The following PAQR5 variants were observed in gnomAD, a reference collection of about 807,000 sequenced individuals.
The protein encoded by PAQR5 is membrane progestin receptor gamma.
PAQR5 carries 20 observed loss-of-function variants against 34.5 expected under a neutral mutation model. The ratio of observed to expected loss-of-function variants is 0.58; its 90% CI spans 0.41 to 0.84. The LOEUF (loss-of-function observed/expected upper bound fraction) is 0.84. PAQR5 is among the 40% of genes least tolerant of loss of function. The probability of loss-of-function intolerance (pLI) is 0.00; values close to 1 mark genes in which losing one functional copy is unlikely to be tolerated. For synonymous variants in PAQR5, 131 were observed against 155.6 expected (o/e 0.84, Z 1.18); for missense variants, 378 against 412.7 (o/e 0.92, Z 0.73).
intron 6 of PAQR5, among the ~76,000 whole-genome samples, chr15:69,395,116 C>A (rs1451584813): frequency 6.6e-6 from 1 of 152,182 alleles, no homozygotes; most frequent in Non-Finnish European, 1.5e-5. Context: ...AGACGGCAGG[C>A]GGTGGCAGGG....
At chr15:69,375,987 G>A (rs2055695393) in intron 3 of PAQR5, among the ~76,000 whole-genome samples, 1 of 152,220 alleles carries the variant, frequency 6.6e-6, no homozygotes, top group Admixed American at 6.5e-5. Flanking sequence ...TGGCTAGCAG[G>A]TGCATGCAAG....
At chr15:69,370,141 G>A (rs1031305842) in intron 3 of PAQR5, among the ~76,000 whole-genome samples, 2 of 152,194 alleles carry the variant, frequency 1.3e-5, no homozygotes, top group African/African-American at 4.8e-5. Context: ...TTCCATGACA[G>A]CATTTCTATA....
intron 2 of PAQR5, among the ~76,000 whole-genome samples, chr15:69,357,866 T>C (rs2140831454): frequency 6.6e-6 from 1 of 152,276 alleles, no homozygotes; most frequent in South Asian, 2.1e-4. Context: ...TAAATAATCA[T>C]TTGCTGAGGG....
At chr15:69,331,289 G>T (rs1336403761) in intron 1 of PAQR5, among the ~76,000 whole-genome samples, 1 of 152,168 alleles carries the variant, frequency 6.6e-6, no homozygotes, top group African/African-American at 2.4e-5. Flanking sequence ...CCATTGCAGG[G>T]TGTCTGTTCA....
At chr15:69,395,268 G>A (rs2140979166) in intron 6 of PAQR5, among the ~76,000 whole-genome samples, 1 of 152,360 alleles carries the variant, frequency 6.6e-6, no homozygotes. Context: ...AGGGAAGGGT[G>A]AAGGCCGGGC....
chr15:69,303,368 A>G (rs2053646069), intron 1 of PAQR5, among the ~76,000 whole-genome samples: 1 of 152,170 alleles, frequency 6.6e-6, no homozygotes, highest in Non-Finnish European at 1.5e-5. Flanking sequence ...GGCAGCTCCC[A>G]GACTGAATGG....
In PAQR5 at chr15:69,379,916, C is replaced by A; in HGVS notation, c.85C>A (p.Arg29Ser). 6.2e-7 allele frequency: 1 copy of A among 1,614,128 alleles called. No individual in the cohort carries two copies. The highest frequency in any genetic ancestry group is 1.6e-4 in the Middle Eastern group (1 of 6,062). Residue 29 changes from arginine to serine, a missense_variant, in exon 4 of 9, where the codon CGC becomes AGC. By Grantham distance (110) the Arg-to-Ser change is moderately radical. Transcript: ENST00000395407. ...TGAGCAAGGCATCCTGTTCGGCTAC[C>A]GCCATCCACAGAGTTCTGCCACTGC... Reference protein sequence around the residue: ...FHEQGILFGYRHPQSSATACI... With the variant: ...FHEQGILFGYSHPQSSATACI...
chr15:69,335,215 CAA>C (rs201453846), intron 1 of PAQR5, among the ~76,000 whole-genome samples: 1 of 120,124 alleles, frequency 8.3e-6, no homozygotes, highest in Non-Finnish European at 1.8e-5. Context: ...GACCATGTCT[CAA>C]AAAAAAAAAG....
At chr15:69,362,859 C>G (rs764888442) in intron 3 of PAQR5, among the ~76,000 whole-genome samples, 2 of 152,200 alleles carry the variant, frequency 1.3e-5, no homozygotes, top group Non-Finnish European at 2.9e-5. Flanking sequence ...CCTTCACCAG[C>G]CTGATCCCTC....
At chr15:69,299,835 C>T (rs2053488797) in intron 1 of PAQR5, among the ~76,000 whole-genome samples, 1 of 152,152 alleles carries the variant, frequency 6.6e-6, no homozygotes, top group Non-Finnish European at 1.5e-5. Context: ...GACAACTGCC[C>T]CTTCCCACGC....
chr15:69,398,872 G>A (rs2056536119), intron 7 of PAQR5, among the ~76,000 whole-genome samples: 2 of 152,224 alleles, frequency 1.3e-5, no homozygotes, highest in African/African-American at 2.4e-5. Context: ...TCTAAGTGGT[G>A]ATGTTGATGC....
chr15:69,349,442 A>T (rs1392074942), intron 2 of PAQR5, among the ~76,000 whole-genome samples: 1 of 152,070 alleles, frequency 6.6e-6, no homozygotes, highest in African/African-American at 2.4e-5. Flanking sequence ...AGGGTGTGGG[A>T]TAATGTGGAA....
At chr15:69,335,423 G>A (rs574117561) in intron 1 of PAQR5, among the ~76,000 whole-genome samples, 11 of 150,374 alleles carry the variant, frequency 7.3e-5, no homozygotes, top group African/African-American at 1.9e-4. Flanking sequence ...TTTTTTATTT[G>A]TAGTAGAGAA....
chr15:69,392,798 G>A (rs75056741), intron 6 of PAQR5, among the ~76,000 whole-genome samples: 2,860 of 150,008 alleles, frequency 0.019, 81 homozygotes, highest in East Asian at 0.12. Flanking sequence ...CACTTTAGCT[G>A]AAGAGGAGGA....
chr15:69,334,895 C>A (rs1030095561), intron 1 of PAQR5, among the ~76,000 whole-genome samples: 3 of 152,208 alleles, frequency 2.0e-5, no homozygotes, highest in East Asian at 3.9e-4. Flanking sequence ...GATCTTGTAA[C>A]AAATTCTGTG....
intron 1 of PAQR5, among the ~76,000 whole-genome samples, chr15:69,331,945 A>G (rs1019077188): frequency 6.6e-6 from 1 of 152,184 alleles, no homozygotes; most frequent in Non-Finnish European, 1.5e-5. Context: ...CTTGAACCTC[A>G]CAGCTATAGC....
intron 2 of PAQR5, among the ~76,000 whole-genome samples, chr15:69,349,187 C>T (rs1362426126): frequency 6.6e-6 from 1 of 152,146 alleles, no homozygotes; most frequent in Non-Finnish European, 1.5e-5. Context: ...GCCTTCCCAC[C>T]TCTGTCTGCG....
intron 1 of PAQR5, among the ~76,000 whole-genome samples, chr15:69,330,676 AC>A (rs1304381254): frequency 6.6e-6 from 1 of 151,528 alleles, no homozygotes; most frequent in Non-Finnish European, 1.5e-5. Context: ...TTGGTTACCC[AC>A]CCCCCAACCA....
chr15:69,380,823 C>T (rs899703069), intron 4 of PAQR5, among the ~76,000 whole-genome samples: 5 of 152,178 alleles, frequency 3.3e-5, no homozygotes, highest in African/African-American at 1.2e-4. Flanking sequence ...GACGGGGTGG[C>T]GTCCTTACGT....
Sources: allele counts gnomAD v4.1 joint callset (sites outside exome capture counted in the v4.1 genomes callset), GRCh38; gene constraint gnomAD v4.1.1; transcripts MANE v1.5; gene names NCBI Gene and HGNC (gene_info 2026-07-23, HGNC 2026-07-21).